HACL2: variants seen among roughly 807,000 people sequenced by gnomAD.
HACL2 encodes the protein 2-hydroxyacyl-CoA lyase 2.
At chr19:15,123,418 C>G in the HACL2 span, 8 of 1,614,218 alleles carry the variant, frequency 5.0e-6, no homozygotes, top group Non-Finnish European at 6.8e-6. The surrounding 1 kb of genome is among the most constrained non-coding windows in gnomAD (Gnocchi z 5.1). Flanking sequence ...CGGCCGTGAC[C>G]TCATGGCGTG....
At chr19:15,125,271 C>A in the HACL2 span, 1 of 598,626 alleles carries the variant, frequency 1.7e-6, no homozygotes, top group African/African-American at 1.9e-5. Context: ...CAAGGTCACG[C>A]CCCTCGCGGG....
chr19:15,122,827 G>A, the HACL2 span: 1 of 1,613,830 alleles, frequency 6.2e-7, no homozygotes, highest in Non-Finnish European at 8.5e-7. The surrounding 1 kb of genome is among the most constrained non-coding windows in gnomAD (Gnocchi z 4.0). Flanking sequence ...GGAGGACGCT[G>A]AGTCCATAAC....
At chr19:15,124,973 C>G in the HACL2 span, 1 of 1,607,168 alleles carries the variant, frequency 6.2e-7, no homozygotes, top group Admixed American at 1.7e-5. Context: ...CGGCGCCCAG[C>G]AAGGCGGCCA....
At chr19:15,124,587 TG>T in the HACL2 span, 1 of 323,458 alleles carries the variant, frequency 3.1e-6, no homozygotes, top group African/African-American at 2.2e-5. Context: ...ACCCCCTCGC[TG>T]GAGCCTGCCC....
At chr19:15,123,592 G>A in the HACL2 span, 2 of 1,601,994 alleles carry the variant, frequency 1.2e-6, no homozygotes, top group South Asian at 1.1e-5. This position sits in a 1 kb window ranked among gnomAD's most constrained non-coding sequence, Gnocchi z 5.1. Context: ...CCCAAGGACA[G>A]GTGGAGCAAT....
the HACL2 span, chr19:15,115,121 CCCT>C: frequency 2.9e-6 from 3 of 1,037,908 alleles, no homozygotes; most frequent in Non-Finnish European, 4.5e-6. Context: ...CCCCTCCATC[CCCT>C]CCTCAGGGAG....
the HACL2 span, chr19:15,115,062 G>A: frequency 9.2e-5 from 62 of 672,504 alleles, no homozygotes; most frequent in East Asian, 1.4e-3. Context: ...AGTTGGGTCC[G>A]TGAAGAGGAG....
the HACL2 span, chr19:15,124,847 G>A: frequency 6.6e-6 from 10 of 1,525,394 alleles, no homozygotes; most frequent in South Asian, 1.2e-4. Context: ...CCTGCACAAT[G>A]AGTGAGCTGG....
chr19:15,125,170 G>A, the HACL2 span: 23 of 1,206,614 alleles, frequency 1.9e-5, no homozygotes, highest in East Asian at 6.1e-4. Flanking sequence ...CACGACCCTT[G>A]CCGCCAGTTT....
the HACL2 span, chr19:15,117,851 A>G: frequency 1.2e-6 from 2 of 1,613,436 alleles, no homozygotes; most frequent in Non-Finnish European, 1.7e-6. Flanking sequence ...GGAGGAGCAC[A>G]TATGTGTACG....
chr19:15,125,235 C>CG, the HACL2 span: 1 of 686,456 alleles, frequency 1.5e-6, no homozygotes, highest in Non-Finnish European at 2.4e-6. Context: ...CGCCTAGGCT[C>CG]GGGGTGAAGC....
At chr19:15,124,890 T>G in the HACL2 span, 1 of 1,576,492 alleles carries the variant, frequency 6.3e-7, no homozygotes. Context: ...CCTCTTTGAC[T>G]GCCCCCAGCC....
the HACL2 span, chr19:15,124,436 CTCT>C: frequency 6.4e-6 from 1 of 155,560 alleles, no homozygotes; most frequent in African/African-American, 2.4e-5. Context: ...ACCACACAAT[CTCT>C]CTGAGCCTCA....
chr19:15,119,095 T>C, the HACL2 span: 3 of 1,484,240 alleles, frequency 2.0e-6, no homozygotes, highest in Non-Finnish European at 1.8e-6. Context: ...TCCTCCTCCT[T>C]CGTGTGAAGC....
At chr19:15,124,869 C>A in the HACL2 span, 2 of 1,552,264 alleles carry the variant, frequency 1.3e-6, no homozygotes, top group Non-Finnish European at 1.7e-6. Flanking sequence ...AGCAGCACCA[C>A]GAGGCCCCTC....
the HACL2 span, chr19:15,124,887 G>T: frequency 1.3e-6 from 2 of 1,572,834 alleles, no homozygotes; most frequent in Non-Finnish European, 1.7e-6. Flanking sequence ...CTCCCTCTTT[G>T]ACTGCCCCCA....
At chr19:15,124,984 C>T in the HACL2 span, 1 of 1,605,172 alleles carries the variant, frequency 6.2e-7, no homozygotes, top group South Asian at 1.1e-5. Flanking sequence ...AAGGCGGCCA[C>T]CAGCGTCCCG....
the HACL2 span, chr19:15,123,645 AT>A: frequency 6.9e-7 from 1 of 1,439,748 alleles, no homozygotes; most frequent in South Asian, 1.2e-5. This position sits in a 1 kb window ranked among gnomAD's most constrained non-coding sequence, Gnocchi z 5.1. Flanking sequence ...AAAGGGGGCA[AT>A]CCCCCTGCCC....
At chr19:15,115,225 C>T in the HACL2 span, 2 of 1,613,412 alleles carry the variant, frequency 1.2e-6, no homozygotes, top group African/African-American at 2.7e-5. Flanking sequence ...GGCAGGAAGG[C>T]AGCCAAGCGT....
Sources: allele counts gnomAD v4.1 joint callset, GRCh38; gene constraint gnomAD v4.1.1; non-coding constraint Gnocchi (gnomAD v3.1); transcripts MANE v1.5; gene names NCBI Gene and HGNC (gene_info 2026-07-23, HGNC 2026-07-21).